Variants in CLIP1 observed in about 807,000 individuals in gnomAD.
The protein encoded by CLIP1 is CAP-Gly domain containing linker protein 1, also known as CAP-Gly domain-containing linker protein 1.
A neutral mutation model predicts 161.6 loss-of-function variants in CLIP1; 66 were observed. The ratio of observed to expected loss-of-function variants is 0.41; its 90% CI spans 0.33 to 0.50. The LOEUF is 0.50. Ranked by LOEUF, CLIP1 falls within the 20% of genes least tolerant of loss-of-function variation. The probability of loss-of-function intolerance (pLI) is 0.27; values close to 1 mark genes in which losing one functional copy is unlikely to be tolerated. For missense variants in CLIP1, 1,376 were observed against 1,702.0 expected (o/e 0.81, Z 3.37); for synonymous variants, 598 against 626.2 (o/e 0.96, Z 0.67).
chr12:122,301,925 C>T (rs1950695468), intron 20 of CLIP1, among the ~76,000 whole-genome samples: 1 of 152,190 alleles, frequency 6.6e-6, no homozygotes, highest in South Asian at 2.1e-4. Context: ...TGCTGTCTCA[C>T]CTGAATAGTC....
At chr12:122,304,694 T>C (rs983235459) in intron 20 of CLIP1, among the ~76,000 whole-genome samples, 1 of 152,194 alleles carries the variant, frequency 6.6e-6, no homozygotes, top group Admixed American at 6.5e-5. Flanking sequence ...TAGCATGAAG[T>C]TGACTGGCTT....
chr12:122,344,272 G>A (rs796971024), intron 10 of CLIP1, among the ~76,000 whole-genome samples: 29 of 152,250 alleles, frequency 1.9e-4, no homozygotes, highest in African/African-American at 5.8e-4. Flanking sequence ...ATATTTCAGA[G>A]CTGACTATAA....
At chr12:122,325,380 C>T (rs1437153512) in intron 17 of CLIP1, among the ~76,000 whole-genome samples, 3 of 152,208 alleles carry the variant, frequency 2.0e-5, no homozygotes, top group African/African-American at 7.2e-5. Context: ...CTTATTTGCA[C>T]TCCCATCATG....
intron 25 of CLIP1, 86 bp from the exon 26 acceptor site, chr12:122,273,186 C>G: frequency 9.0e-7 from 1 of 1,107,714 alleles, no homozygotes; most frequent in Non-Finnish European, 1.3e-6. Context: ...AAAAATTAAG[C>G]AAGAACTAAT....
At chr12:122,337,058 C>T (rs1039495462) in intron 11 of CLIP1, among the ~76,000 whole-genome samples, 1 of 151,328 alleles carries the variant, frequency 6.6e-6, no homozygotes, top group Non-Finnish European at 1.5e-5. Flanking sequence ...AGCCTTAGAA[C>T]TCCTGAGTTC....
chr12:122,357,862 G>A (rs1250703441), intron 5 of CLIP1, among the ~76,000 whole-genome samples: 1 of 151,588 alleles, frequency 6.6e-6, no homozygotes, highest in Non-Finnish European at 1.5e-5. Flanking sequence ...TGGGAGGTGA[G>A]GGGCGCCTCT....
At chr12:122,302,257 T>C (rs375369383) in intron 20 of CLIP1, among the ~76,000 whole-genome samples, 19 of 151,932 alleles carry the variant, frequency 1.3e-4, no homozygotes, top group African/African-American at 4.1e-4. Flanking sequence ...TGCGCCACCA[T>C]GCCTGGCTAT....
Position 122,354,525 on chromosome 12 carries a change from T to C in CLIP1, c.1235A>G (p.Gln412Arg). The stretch of plus-strand genomic sequence containing the variant: ...AGCAGCTTCCACCATTGTTCGCAGC[T>C]GGTCCATTTTGGCTTCCAATTCCAG... ...HVLELEAKMD[Q>R]LRTMVEAADR... The change falls in exon 7 of 26, where the codon CAG (glutamine) becomes CGG (arginine). Residue 412 changes from glutamine (Q) to arginine (R), a missense_variant. Gln to Arg is a conservative substitution (Grantham distance 43). Around this residue, in one of 6 missense-constraint regions of CLIP1, gnomAD observed 211 missense variants for 295.1 expected, o/e 0.72. Transcript: ENST00000620786. The C allele has an allele frequency of 6.2e-7, 1 of 1,613,984 alleles. No individual in the cohort carries two copies. Among genetic ancestry groups the C allele is most frequent in the Non-Finnish European group, 8.5e-7 (1 of 1,179,914 alleles).
At chr12:122,274,258 C>A in intron 24 of CLIP1, 96 bp from the exon 25 acceptor site, 1 of 1,069,886 alleles carries the variant, frequency 9.3e-7, no homozygotes, top group Non-Finnish European at 1.4e-6. Flanking sequence ...GCTCTGGCGG[C>A]AAAGTGTGCA....
intron 20 of CLIP1, among the ~76,000 whole-genome samples, chr12:122,296,943 G>T (rs888510146): frequency 1.3e-4 from 19 of 151,092 alleles, no homozygotes; most frequent in African/African-American, 4.4e-4. Context: ...GAGTGGCCAA[G>T]AGTTAATTGC....
At position 122,356,763 on chromosome 12, in the gene CLIP1, G is replaced by C. The variant is rs559366893; in HGVS notation, c.1006-1451C>G. 2.6e-5 allele frequency among the ~76,000 whole-genome samples: 4 copies of C among 152,056 alleles called. No individual in the cohort carries two copies. The East Asian group carries it at 7.7e-4, about 29-fold the overall frequency. On this transcript the variant is annotated intron_variant, in intron 5 of 25. Coordinates refer to ENST00000620786, the MANE Select transcript of CLIP1 (RefSeq NM_001247997.2). ...CCTGATTCTCCTGCCTCAGCCTGCC[G>C]AGTGCCTGCGATTGCAGGCGCGCGC... is the stretch of plus-strand genomic sequence containing the variant.
intron 11 of CLIP1, among the ~76,000 whole-genome samples, chr12:122,339,321 T>C (rs1952383489): frequency 6.8e-6 from 1 of 147,542 alleles, no homozygotes; most frequent in African/African-American, 2.7e-5. Flanking sequence ...CTGTGAATGT[T>C]ATTTATCACA....
At chr12:122,294,024 C>A (rs1445293060) in intron 20 of CLIP1, among the ~76,000 whole-genome samples, 2 of 151,740 alleles carry the variant, frequency 1.3e-5, no homozygotes, top group East Asian at 3.9e-4. Flanking sequence ...ATGCCCCTGG[C>A]CTCTTCACGA....
At chr12:122,315,609 C>T (rs1033735441) in intron 19 of CLIP1, among the ~76,000 whole-genome samples, 1 of 151,170 alleles carries the variant, frequency 6.6e-6, no homozygotes, top group Non-Finnish European at 1.5e-5. Flanking sequence ...AAATGCTGGT[C>T]ATTTCATTTC....
Position 122,272,781 on chromosome 12 carries a change from T to A in CLIP1, c.*94A>T, listed in dbSNP as rs897885157. On this transcript the variant is annotated 3_prime_UTR_variant, in exon 26 of 26. Coordinates refer to ENST00000620786, the MANE Select transcript of CLIP1 (RefSeq NM_001247997.2). ...TTGTTGACGGGGTTAAAAAATAACA[T>A]GAGTTCTCCTGAAGTCTGCACACAC... 25 of 1,068,018 alleles carry A rather than the reference T, an allele frequency of 2.3e-5. No homozygotes were observed. The African/African-American group carries it at 3.6e-4, about 15-fold the overall frequency. 66.2% of individuals were successfully genotyped at this position (1,068,018 alleles called of 1,614,324 possible).
chr12:122,363,872 T>C, intron 4 of CLIP1, 111 bp downstream of exon 4: 3 of 1,442,604 alleles, frequency 2.1e-6, no homozygotes, highest in Non-Finnish European at 1.9e-6. Context: ...GAAATAAAAG[T>C]GCCACTCTTC....
intron 9 of CLIP1, among the ~76,000 whole-genome samples, chr12:122,348,889 C>T (rs1952879264): frequency 6.6e-6 from 1 of 152,188 alleles, no homozygotes; most frequent in Non-Finnish European, 1.5e-5. Flanking sequence ...CAAACGTCTT[C>T]ACTCATTCCA....
At chr12:122,316,914 G>A (rs1951295564) in intron 18 of CLIP1, 59 bp from the exon 19 acceptor site, 2 of 991,924 alleles carry the variant, frequency 2.0e-6, no homozygotes, top group Non-Finnish European at 2.9e-6. Flanking sequence ...TGACATGAAT[G>A]AACAAATTAT....
intron 1 of CLIP1, chr12:122,399,389 A>T (rs1956061582): frequency 6.6e-6 from 1 of 152,160 alleles, no homozygotes; most frequent in Admixed American, 6.6e-5. Flanking sequence ...TAACTTTGCC[A>T]AAGTGAAAAG....
Sources: gnomAD v4.1 joint callset for allele counts (sites outside exome capture counted in the v4.1 genomes callset) on GRCh38, gnomAD v4.1.1 for gene constraint, gnomAD v4.1.1 regional missense constraint, MANE v1.5 for transcripts, NCBI Gene and HGNC (gene_info 2026-07-23, HGNC 2026-07-21) for gene names.